Variants in LDB2 observed in about 807,000 individuals in gnomAD.
The protein encoded by LDB2 is LIM domain binding 2, also known as LIM domain-binding protein 2.
A neutral mutation model predicts 44.3 loss-of-function variants in LDB2; 12 were observed. That is an observed-to-expected ratio of 0.27 (90% CI 0.17 to 0.44). The LOEUF is 0.44. Ranked by LOEUF, LDB2 falls within the 20% of genes least tolerant of loss-of-function variation. The pLI is 1.00. For synonymous variants in LDB2, 164 were observed against 174.8 expected, an observed-to-expected ratio of 0.94 and a Z score of 0.49; for missense variants, 344 against 473.5, an observed-to-expected ratio of 0.73 and a Z score of 2.54.
chr4:16,755,836 G>A (rs922956989), intron 2 of LDB2, among the ~76,000 whole-genome samples: 1 of 152,074 alleles, frequency 6.6e-6, no homozygotes. Flanking sequence ...CCAGGGCGGG[G>A]GCAGGCAAGT....
chr4:16,846,508 C>A (rs187535221), intron 1 of LDB2, among the ~76,000 whole-genome samples: 111 of 152,182 alleles, frequency 7.3e-4, no homozygotes, highest in African/African-American at 2.6e-3. Flanking sequence ...TTTTTATGGC[C>A]TGAATGCATG....
intron 1 of LDB2, among the ~76,000 whole-genome samples, chr4:16,882,574 G>A (rs1241814011): frequency 3.9e-5 from 6 of 152,104 alleles, no homozygotes; most frequent in Non-Finnish European, 8.8e-5. Flanking sequence ...TATTATATAG[G>A]GTTAAGCTCC....
chr4:16,651,605 C>T lies in LDB2; in HGVS notation c.236-55730G>A, dbSNP rs146440472. Among the ~76,000 whole-genome samples the T allele has an allele frequency of 2.5e-3, 384 of 151,348 alleles. 1 individual carries two copies. The highest frequency in any genetic ancestry group is 8.9e-3 in the African/African-American group (367 of 41,292). ...TTTCATCTTTTTTTTTTAATGTCTA[C>T]GCTTATAATAAAATTTGGAAGCTAT... On this transcript the variant is annotated intron_variant, in intron 2 of 7. Coordinates refer to ENST00000304523, the MANE Select transcript of LDB2 (RefSeq NM_001290.5).
rs1780935271 is a variant in LDB2, at chr4:16,816,465, A to G, written c.133-57205T>C. ...ACTCTGTTGCCCAGGCTAGAGGGCA[A>G]TTACACGATCTCAGCTCACTGCAAC... On this transcript the variant is annotated intron_variant, in intron 1 of 7. Coordinates refer to ENST00000304523, the MANE Select transcript of LDB2 (RefSeq NM_001290.5). Among the ~76,000 whole-genome samples the G allele has an allele frequency of 2.1e-5, 3 of 145,368 alleles. No homozygotes were observed. The South Asian group carries it at 6.4e-4, about 31-fold the overall frequency.
chr4:16,883,495 G>A (rs1172176720), intron 1 of LDB2, among the ~76,000 whole-genome samples: 1 of 152,232 alleles, frequency 6.6e-6, no homozygotes, highest in Admixed American at 6.5e-5. Context: ...ATGCAGTAGA[G>A]GGAAGAGCCA....
At chr4:16,692,151 T>C (rs1750927491) in intron 2 of LDB2, among the ~76,000 whole-genome samples, 1 of 152,146 alleles carries the variant, frequency 6.6e-6, no homozygotes, top group Non-Finnish European at 1.5e-5. Context: ...GGACAAATTC[T>C]ACATGGAAAG....
chr4:16,663,018 A>C (rs981936368), intron 2 of LDB2, among the ~76,000 whole-genome samples: 2 of 152,132 alleles, frequency 1.3e-5, no homozygotes, highest in African/African-American at 2.4e-5. Context: ...TCCTGAAAGA[A>C]TCATAGAACC....
chr4:16,523,544 C>T (rs879351184), intron 5 of LDB2, among the ~76,000 whole-genome samples: 1 of 152,206 alleles, frequency 6.6e-6, no homozygotes, highest in African/African-American at 2.4e-5. Flanking sequence ...GAATGCCATA[C>T]TGCGACAGTC....
intron 1 of LDB2, among the ~76,000 whole-genome samples, chr4:16,873,728 T>C (rs959194909): frequency 3.3e-5 from 5 of 152,212 alleles, no homozygotes; most frequent in African/African-American, 1.2e-4. Context: ...TTTTTTTTCA[T>C]GATCCTATTG....
chr4:16,585,473 C>G (rs1237281569), intron 5 of LDB2, among the ~76,000 whole-genome samples: 3 of 152,102 alleles, frequency 2.0e-5, no homozygotes, highest in Admixed American at 6.6e-5. Flanking sequence ...GCTTATGAAG[C>G]CTTAGAAATA....
intron 5 of LDB2, 146 bp downstream of exon 5, chr4:16,585,775 AC>A: frequency 2.0e-6 from 1 of 510,094 alleles, no homozygotes. Context: ...CATTGAAAAC[AC>A]ACACACACAC....
chr4:16,661,458 G>A (rs548569384), intron 2 of LDB2, among the ~76,000 whole-genome samples: 1 of 152,310 alleles, frequency 6.6e-6, no homozygotes, highest in Non-Finnish European at 1.5e-5. Flanking sequence ...CCTTGGGGAA[G>A]TTACTTAATC....
intron 1 of LDB2, among the ~76,000 whole-genome samples, chr4:16,847,683 C>T (rs909104255): frequency 1.3e-5 from 2 of 152,178 alleles, no homozygotes; most frequent in African/African-American, 2.4e-5. Flanking sequence ...AGTGGCGGAT[C>T]TCGGCTCATT....
At chr4:16,709,911 C>T (rs1255721561) in intron 2 of LDB2, among the ~76,000 whole-genome samples, 1 of 152,072 alleles carries the variant, frequency 6.6e-6, no homozygotes, top group Non-Finnish European at 1.5e-5. Flanking sequence ...TCCATACACC[C>T]CTAGAGATAT....
At chr4:16,705,556 G>C (rs1754414992) in intron 2 of LDB2, among the ~76,000 whole-genome samples, 1 of 152,188 alleles carries the variant, frequency 6.6e-6, no homozygotes, top group South Asian at 2.1e-4. Context: ...GGCAAGCCCA[G>C]CCTGCCTGCG....
At chr4:16,711,401 G>A (rs1322339164) in intron 2 of LDB2, among the ~76,000 whole-genome samples, 1 of 152,212 alleles carries the variant, frequency 6.6e-6, no homozygotes, top group Non-Finnish European at 1.5e-5. Context: ...GGCAACTTGG[G>A]TAGCTCAGTC....
intron 5 of LDB2, among the ~76,000 whole-genome samples, chr4:16,520,874 G>T (rs1416994737): frequency 6.6e-6 from 1 of 152,158 alleles, no homozygotes; most frequent in African/African-American, 2.4e-5. Context: ...GACCATTCAA[G>T]GCCCCTTCTG....
chr4:16,897,865 C>A (rs1436794053), intron 1 of LDB2, among the ~76,000 whole-genome samples: 1 of 143,006 alleles, frequency 7.0e-6, no homozygotes, highest in African/African-American at 2.6e-5. Flanking sequence ...CAGGTCAAAG[C>A]AGACTTCCTC....
intron 2 of LDB2, among the ~76,000 whole-genome samples, chr4:16,725,164 C>T (rs1418790497): frequency 6.6e-6 from 1 of 151,988 alleles, no homozygotes; most frequent in Non-Finnish European, 1.5e-5. Flanking sequence ...TGACATGAAA[C>T]TGAGTTATTA....
Sources: allele counts gnomAD v4.1 joint callset (sites outside exome capture counted in the v4.1 genomes callset), GRCh38; gene constraint gnomAD v4.1.1; transcripts MANE v1.5; gene names NCBI Gene and HGNC (gene_info 2026-07-23, HGNC 2026-07-21).